Variants in AGBL1 observed in about 807,000 individuals in gnomAD.
The protein encoded by AGBL1 is AGBL carboxypeptidase 1, also known as cytosolic carboxypeptidase 4.
A neutral mutation model predicts 118.9 loss-of-function variants in AGBL1; 130 were observed. That is an observed-to-expected ratio of 1.09 (90% CI 0.95 to 1.26). The LOEUF is 1.26. Among genes scored for constraint, AGBL1 ranks in the 50% most tolerant of loss-of-function variants. The pLI is 0.00. For missense variants in AGBL1, 1,584 were observed against 1,298.1 expected (o/e 1.22, Z -3.38); for synonymous variants, 555 against 478.9 (o/e 1.16, Z -2.08).
chr15:86,194,472 C>T (rs1044160175), intron 5 of AGBL1, among the ~76,000 whole-genome samples: 21 of 152,142 alleles, frequency 1.4e-4, no homozygotes, highest in African/African-American at 5.1e-4. Context: ...TTTTCCAATC[C>T]AGAATGCTGT....
At chr15:86,888,318 C>A (rs1407921693) in intron 22 of AGBL1, among the ~76,000 whole-genome samples, 1 of 151,006 alleles carries the variant, frequency 6.6e-6, no homozygotes, top group Non-Finnish European at 1.5e-5. Flanking sequence ...ATTAGGCTGT[C>A]CAGTGGAAAC....
At chr15:86,323,089 C>T (rs762710603) in intron 17 of AGBL1, among the ~76,000 whole-genome samples, 1 of 152,020 alleles carries the variant, frequency 6.6e-6, no homozygotes, top group African/African-American at 2.4e-5. Flanking sequence ...TCAATAGTCA[C>T]TTATTCCCCA....
At chr15:86,337,506 C>G (rs193213624) in intron 17 of AGBL1, among the ~76,000 whole-genome samples, 9 of 152,212 alleles carry the variant, frequency 5.9e-5, no homozygotes, top group African/African-American at 2.2e-4. Flanking sequence ...ACATATACAC[C>G]ATGGAATACT....
chr15:86,752,106 A>C (rs1179493223), intron 22 of AGBL1, among the ~76,000 whole-genome samples: 1 of 152,088 alleles, frequency 6.6e-6, no homozygotes, highest in Non-Finnish European at 1.5e-5. Context: ...GGCCCATCTT[A>C]GCAGGAGTTA....
chr15:86,206,713 C>T (rs1210157412), intron 5 of AGBL1, among the ~76,000 whole-genome samples: 1 of 152,074 alleles, frequency 6.6e-6, no homozygotes, highest in Non-Finnish European at 1.5e-5. Flanking sequence ...GATATTAGCC[C>T]TTTGTCAGAT....
At chr15:87,022,648 T>C (rs535823376) in intron 24 of AGBL1, among the ~76,000 whole-genome samples, 6 of 152,038 alleles carry the variant, frequency 3.9e-5, no homozygotes, top group African/African-American at 7.2e-5. Context: ...CCTAGGCACA[T>C]TGTCATCGGG....
intron 1 of AGBL1, among the ~76,000 whole-genome samples, chr15:86,084,695 A>G (rs1046060561): frequency 1.3e-4 from 20 of 152,186 alleles, no homozygotes; most frequent in African/African-American, 4.8e-4. Context: ...TTTATAACTG[A>G]TATCATCTCC....
chr15:86,526,573 T>TACAC (rs1202978973), intron 19 of AGBL1, among the ~76,000 whole-genome samples: 20 of 117,604 alleles, frequency 1.7e-4, no homozygotes, highest in African/African-American at 2.8e-4. Context: ...TATATATATA[T>TACAC]ACACACAGAG....
At chr15:87,026,758 T>C (rs1355965515) in intron 24 of AGBL1, among the ~76,000 whole-genome samples, 3 of 151,976 alleles carry the variant, frequency 2.0e-5, no homozygotes, top group Non-Finnish European at 4.4e-5. Flanking sequence ...AATTGATAAG[T>C]GGATAAAGAA....
At chr15:86,119,339 CTTT>C (rs201874874) in intron 1 of AGBL1, among the ~76,000 whole-genome samples, 27 of 145,698 alleles carry the variant, frequency 1.9e-4, no homozygotes, top group Non-Finnish European at 9.1e-5. Context: ...TTTGTCTTTG[CTTT>C]TTTTTTTTGG....
intron 22 of AGBL1, among the ~76,000 whole-genome samples, chr15:86,769,534 A>G (rs2141285948): frequency 6.6e-6 from 1 of 152,074 alleles, no homozygotes; most frequent in Admixed American, 6.6e-5. Context: ...TCTGCAAGTA[A>G]TCTTGTCCAA....
intron 21 of AGBL1, among the ~76,000 whole-genome samples, chr15:86,628,619 A>AC (rs2084921941): frequency 6.6e-6 from 1 of 151,834 alleles, no homozygotes; most frequent in Non-Finnish European, 1.5e-5. Flanking sequence ...ACATGGTGAA[A>AC]CCCCACCTCT....
At chr15:86,497,153 G>A (rs1296125921) in intron 18 of AGBL1, among the ~76,000 whole-genome samples, 1 of 151,820 alleles carries the variant, frequency 6.6e-6, no homozygotes, top group Non-Finnish European at 1.5e-5. Flanking sequence ...AGACTTATTT[G>A]AAGCAAAGAA....
At position 86,388,893 on chromosome 15, in the gene AGBL1, C is replaced by T. The variant is rs74027539; in HGVS notation, c.2375-8473C>T. Among the ~76,000 whole-genome samples, 1,007 of 152,224 alleles carry T rather than the reference C, an allele frequency of 6.6e-3. 5 individuals carry two copies. The highest frequency in any genetic ancestry group is 0.023 in the African/African-American group (967 of 41,522). ...TCTGCTGCAAGGTGCTATAAAAATG[C>T]CATGAATGTGTTTACATACAATCCC... On this transcript the variant is annotated intron_variant, in intron 17 of 22. Coordinates refer to ENST00000614907, the MANE Select transcript of AGBL1 (RefSeq NM_001386094.1).
chr15:86,186,822 T>G (rs1210179085), intron 5 of AGBL1, among the ~76,000 whole-genome samples: 1 of 152,214 alleles, frequency 6.6e-6, no homozygotes, highest in African/African-American at 2.4e-5. Context: ...TATGCTGCTG[T>G]TTTACAAATG....
chr15:86,375,837 A>G (rs1368260198), intron 17 of AGBL1, among the ~76,000 whole-genome samples: 1 of 152,194 alleles, frequency 6.6e-6, no homozygotes, highest in East Asian at 1.9e-4. Flanking sequence ...TGGGTGAAGG[A>G]GAAGTGAAAG....
At chr15:86,673,797 G>A (rs906619043) in intron 21 of AGBL1, among the ~76,000 whole-genome samples, 1 of 152,034 alleles carries the variant, frequency 6.6e-6, no homozygotes, top group Non-Finnish European at 1.5e-5. Context: ...GTTTTTTAAA[G>A]TTTCAGTGTT....
intron 5 of AGBL1, among the ~76,000 whole-genome samples, chr15:86,187,579 T>G (rs1461680677): frequency 6.6e-6 from 1 of 152,216 alleles, no homozygotes; most frequent in African/African-American, 2.4e-5. Context: ...GGTATAATAG[T>G]GCTTGTCCTA....
intron 17 of AGBL1, chr15:86,296,471 C>A (rs1448359695): frequency 6.7e-6 from 1 of 150,108 alleles, no homozygotes; most frequent in African/African-American, 2.5e-5. Context: ...GAAGCTACAG[C>A]CTTCTCTGAG....
Sources: allele counts gnomAD v4.1 joint callset (sites outside exome capture counted in the v4.1 genomes callset), GRCh38; gene constraint gnomAD v4.1.1; transcripts MANE v1.5; gene names NCBI Gene and HGNC (gene_info 2026-07-23, HGNC 2026-07-21).